Variants in RASL12 observed in about 807,000 individuals in gnomAD.
RASL12 encodes ras-like protein family member 12.
Under a neutral mutation model 22.9 loss-of-function variants are expected in RASL12, and 16 were observed. The observed-to-expected ratio is 0.70, with a 90% CI of 0.47 to 1.06. The LOEUF is 1.06. RASL12 is among the 50% of genes least tolerant of loss of function. The probability of loss-of-function intolerance (pLI) is 0.00; values close to 1 mark genes in which losing one functional copy is unlikely to be tolerated. For synonymous variants in RASL12, 159 were observed against 152.2 expected (o/e 1.04, Z -0.33); for missense variants, 306 against 353.1 (o/e 0.87, Z 1.07).
downstream of RASL12, chr15:65,049,899 G>A (rs566751822): frequency 5.6e-6 from 4 of 720,702 alleles, no homozygotes; most frequent in African/African-American, 7.2e-5. Flanking sequence ...GTTTCCAGGG[G>A]TCTTCACGGC....
chr15:65,057,998 A>T (rs1311401079), intron 4 of RASL12, among the ~76,000 whole-genome samples: 1 of 152,172 alleles, frequency 6.6e-6, no homozygotes, highest in Non-Finnish European at 1.5e-5. Flanking sequence ...GTGGTCGGGC[A>T]CGGTGGCTCA....
intron 1 of RASL12, among the ~76,000 whole-genome samples, chr15:65,075,624 C>T (rs2086962039): frequency 6.6e-6 from 1 of 151,850 alleles, no homozygotes; most frequent in African/African-American, 2.4e-5. Flanking sequence ...TTTGTGAGTG[C>T]ACCAATTGAC....
At position 65,067,726 on chromosome 15, in the gene RASL12, C is replaced by T; in HGVS notation, c.103+7G>A. On this transcript the variant is annotated splice_region_variant and intron_variant, in intron 1 of 4. Transcript: ENST00000220062. ...CTTGGCGGCTCAGGCTCCCCGGCGC[C>T]ACTCACCAGACTTGCCAGCCCCGCG... 1.3e-6 allele frequency: 2 copies of T among 1,553,036 alleles called. No homozygotes were observed. Among genetic ancestry groups the T allele is most frequent in the Non-Finnish European group, 8.7e-7 (1 of 1,152,098 alleles).
At chr15:65,046,911 T>C in the RASL12 span, among the ~76,000 whole-genome samples, 1 of 150,280 alleles carries the variant, frequency 6.7e-6, no homozygotes, top group Non-Finnish European at 1.5e-5. Flanking sequence ...AGACTCTGTC[T>C]CAAAAAACAA....
chr15:65,057,996 G>A (rs1228215517), intron 4 of RASL12, among the ~76,000 whole-genome samples: 3 of 152,222 alleles, frequency 2.0e-5, no homozygotes, highest in African/African-American at 7.2e-5. Context: ...CTGTGGTCGG[G>A]CACGGTGGCT....
chr15:65,063,578 G>T (rs2086839629), intron 2 of RASL12, among the ~76,000 whole-genome samples: 3 of 152,166 alleles, frequency 2.0e-5, no homozygotes, highest in Admixed American at 2.0e-4. Context: ...CTGTGCCAAG[G>T]CACCGGGGGT....
downstream of RASL12, chr15:65,049,796 T>G (rs2140506041): frequency 4.8e-3 from 1,656 of 344,012 alleles, no homozygotes; most frequent in East Asian, 7.2e-3. Context: ...TTCGGGTCGT[T>G]TTTGTCCCAT....
intron 2 of RASL12, among the ~76,000 whole-genome samples, chr15:65,064,598 T>A (rs1464530853): frequency 6.6e-6 from 1 of 151,268 alleles, no homozygotes; most frequent in Non-Finnish European, 1.5e-5. Flanking sequence ...TATTTGTTTT[T>A]GAGTTTTTTT....
At chr15:65,048,732 G>C (rs1426351375), downstream of RASL12, among the ~76,000 whole-genome samples, 1 of 152,228 alleles carries the variant, frequency 6.6e-6, no homozygotes, top group African/African-American at 2.4e-5. Context: ...TATTGGGTCA[G>C]GCGCGGTGGC....
At chr15:65,071,384 T>C (rs1387087091), upstream of RASL12, among the ~76,000 whole-genome samples, 3 of 152,062 alleles carry the variant, frequency 2.0e-5, no homozygotes, top group African/African-American at 4.8e-5. Context: ...ACAGCCAGGA[T>C]AGTTCCTTGT....
At chr15:65,050,836 C>CTTTTTTTTTT, downstream of RASL12, among the ~76,000 whole-genome samples, 1 of 95,650 alleles carries the variant, frequency 1.0e-5, no homozygotes, top group Admixed American at 1.4e-4. Context: ...TCTTCTTCTT[C>CTTTTTTTTTT]TTTTTTTTTT....
At chr15:65,064,511 C>T (rs940457394) in intron 2 of RASL12, among the ~76,000 whole-genome samples, 5 of 152,130 alleles carry the variant, frequency 3.3e-5, no homozygotes, top group African/African-American at 1.2e-4. Flanking sequence ...AAGCCAGCAC[C>T]ACTAGAGAAT....
chr15:65,059,390 C>T lies in RASL12; in HGVS notation c.189G>A (p.Val63=). The change falls in exon 3 of 5, where the codon GTG becomes GTA. Residue 63 remains valine (V), a synonymous_variant. Coordinates refer to ENST00000220062, the MANE Select transcript of RASL12 (RefSeq NM_016563.4). ...CCCTCAGGTGGACAGGCTGGTGGTCCACAGTCTCCTCGGAGCTGTAGGTGT... is the reference window on the plus strand; with the variant it reads ...CCCTCAGGTGGACAGGCTGGTGGTCTACAGTCTCCTCGGAGCTGTAGGTGT... ...LEDTYSSEET[V]DHQPVHLRVM... 1.2e-6 allele frequency: 2 copies of T among 1,614,042 alleles called. No individual in the cohort carries two copies. The highest frequency in any genetic ancestry group is 1.7e-6 in the Non-Finnish European group (2 of 1,180,018).
downstream of RASL12, among the ~76,000 whole-genome samples, chr15:65,048,779 C>T (rs181743337): frequency 1.3e-3 from 203 of 152,220 alleles, 1 homozygote; most frequent in Middle Eastern, 0.014. Flanking sequence ...GAGGCCAAGG[C>T]GGGTGGATCA....
In RASL12 at chr15:65,053,881, C is replaced by A; in HGVS notation, c.*1018G>T. On this transcript the variant is annotated 3_prime_UTR_variant, in exon 5 of 5. Coordinates refer to ENST00000220062, the MANE Select transcript of RASL12 (RefSeq NM_016563.4). Reference sequence around the variant, plus strand: ...GGTGTCTTGGTATAAGCTGCGGTGACACCACCAAATAACATAAGCAAAATT... The same window carrying A: ...GGTGTCTTGGTATAAGCTGCGGTGAAACCACCAAATAACATAAGCAAAATT... 4.1e-6 allele frequency: 4 copies of A among 985,894 alleles called. No homozygotes were observed. Among genetic ancestry groups the A allele is most frequent in the Non-Finnish European group, 4.8e-6 (4 of 829,954 alleles). 61.1% of individuals were successfully genotyped at this position (985,894 alleles called of 1,614,324 possible).
chr15:65,053,332 T>C, downstream of RASL12: 1 of 1,418,790 alleles, frequency 7.0e-7, no homozygotes, highest in Non-Finnish European at 9.1e-7. Flanking sequence ...GCAAGCAAAC[T>C]AAAATTCTGT....
upstream of RASL12, among the ~76,000 whole-genome samples, chr15:65,070,260 C>G (rs2086922307): frequency 6.6e-6 from 1 of 152,166 alleles, no homozygotes; most frequent in Non-Finnish European, 1.5e-5. Flanking sequence ...AGAGTGAGAC[C>G]TTGTCTCAAA....
At chr15:65,049,839 A>C, downstream of RASL12, 5 of 473,874 alleles carry the variant, frequency 1.1e-5, no homozygotes, top group African/African-American at 2.0e-5. Flanking sequence ...GGATTTGGGC[A>C]CAGAGGGAGA....
At chr15:65,046,381 A>T in the RASL12 span, among the ~76,000 whole-genome samples, 1 of 149,630 alleles carries the variant, frequency 6.7e-6, no homozygotes. Flanking sequence ...GAGGCAGGAG[A>T]ATCACTTGAA....
Sources: gnomAD v4.1 joint callset for allele counts (sites outside exome capture counted in the v4.1 genomes callset) on GRCh38, gnomAD v4.1.1 for gene constraint, MANE v1.5 for transcripts, NCBI Gene and HGNC (gene_info 2026-07-23, HGNC 2026-07-21) for gene names.